Variants in GNAQ observed in about 807,000 individuals in gnomAD.
GNAQ encodes G protein subunit alpha q, also known as guanine nucleotide-binding protein G(q) subunit alpha.
Under a neutral mutation model 43.9 loss-of-function variants are expected in GNAQ, and 8 were observed. That is an observed-to-expected ratio of 0.18 (90% CI 0.11 to 0.33). The LOEUF (loss-of-function observed/expected upper bound fraction) is 0.33, where lower values mean the gene tolerates loss of function less well. Ranked by LOEUF, GNAQ falls within the 10% of genes least tolerant of loss-of-function variation. The probability of loss-of-function intolerance (pLI) is 1.00; values close to 1 mark genes in which losing one functional copy is unlikely to be tolerated. For synonymous variants in GNAQ, 155 were observed against 170.7 expected (o/e 0.91, Z 0.71); for missense variants, 158 against 450.8 (o/e 0.35, Z 5.88).
chr9:77,844,201 C>A (rs1827542528), intron 2 of GNAQ, among the ~76,000 whole-genome samples: 1 of 152,084 alleles, frequency 6.6e-6, no homozygotes, highest in Non-Finnish European at 1.5e-5. Flanking sequence ...TTTAAGCCTT[C>A]ATCTAGCAGA....
chr9:77,773,022 A>G (rs1311568436), intron 5 of GNAQ, among the ~76,000 whole-genome samples: 1 of 152,268 alleles, frequency 6.6e-6, no homozygotes, highest in African/African-American at 2.4e-5. Flanking sequence ...TGAGGCCCAC[A>G]GGCTATGGGT....
chr9:78,002,545 C>T (rs747466398), intron 1 of GNAQ, among the ~76,000 whole-genome samples: 20 of 152,148 alleles, frequency 1.3e-4, no homozygotes, highest in Admixed American at 9.8e-4. Context: ...CCTTGATCTC[C>T]GCGTGGCCTT....
chr9:77,777,561 G>C (rs768763899), intron 5 of GNAQ, among the ~76,000 whole-genome samples: 1 of 151,950 alleles, frequency 6.6e-6, no homozygotes, highest in Non-Finnish European at 1.5e-5. Context: ...AATCCCTACA[G>C]AATATAATGT....
At chr9:77,753,467 T>C (rs1333586574) in intron 5 of GNAQ, among the ~76,000 whole-genome samples, 1 of 152,238 alleles carries the variant, frequency 6.6e-6, no homozygotes, top group Non-Finnish European at 1.5e-5. Flanking sequence ...TCTAGATAAC[T>C]CTATGGATAC....
intron 1 of GNAQ, among the ~76,000 whole-genome samples, chr9:77,970,890 TAAA>T (rs1450930749): frequency 6.6e-6 from 1 of 151,060 alleles, no homozygotes; most frequent in Non-Finnish European, 1.5e-5. Context: ...AGACCCCTAA[TAAA>T]GAAGAAAAGA....
At chr9:77,863,838 C>T (rs1341220604) in intron 2 of GNAQ, among the ~76,000 whole-genome samples, 1 of 152,128 alleles carries the variant, frequency 6.6e-6, no homozygotes, top group African/African-American at 2.4e-5. Context: ...TTAAAATCAT[C>T]AGATCTCATG....
At position 78,031,288 on chromosome 9, in the gene GNAQ, G is replaced by GCA; in HGVS notation, c.-55_-54dup. 3 of 1,367,828 alleles carry GCA rather than the reference G, an allele frequency of 2.2e-6. No individual in the cohort carries two copies. The highest frequency in any genetic ancestry group is 2.9e-6 in the Non-Finnish European group (3 of 1,037,862). 84.7% of individuals were successfully genotyped at this position (1,367,828 alleles called of 1,614,324 possible). On this transcript the variant is annotated 5_prime_UTR_variant, in exon 1 of 7. Transcript: ENST00000286548. ...CGCCGGCACCCCCTGCTCACAGCGC[G>GCA]CACACACACCCTCCCGCCCTCGCTC... is the stretch of plus-strand genomic sequence containing the variant.
At chr9:77,983,066 C>T (rs1482971376) in intron 1 of GNAQ, among the ~76,000 whole-genome samples, 1 of 152,160 alleles carries the variant, frequency 6.6e-6, no homozygotes, top group Non-Finnish European at 1.5e-5. Flanking sequence ...TGTACCAATG[C>T]TTGAATTCAT....
chr9:77,991,865 A>T (rs1404129489), intron 1 of GNAQ, among the ~76,000 whole-genome samples: 1 of 152,208 alleles, frequency 6.6e-6, no homozygotes, highest in Non-Finnish European at 1.5e-5. Context: ...AACAGCCTCC[A>T]GCTCCATCCA....
intron 5 of GNAQ, among the ~76,000 whole-genome samples, chr9:77,771,545 T>C (rs1485796494): frequency 6.6e-6 from 1 of 152,204 alleles, no homozygotes; most frequent in East Asian, 1.9e-4. Flanking sequence ...AAGACAAGGA[T>C]GTCTGCAGCT....
chr9:77,923,149 T>C (rs207470285), intron 1 of GNAQ, among the ~76,000 whole-genome samples: 206 of 152,238 alleles, frequency 1.4e-3, no homozygotes, highest in African/African-American at 4.7e-3. Flanking sequence ...TTTTAAAATG[T>C]GGCATAAGAA....
At chr9:77,883,970 T>C (rs1828260129) in intron 2 of GNAQ, among the ~76,000 whole-genome samples, 1 of 152,206 alleles carries the variant, frequency 6.6e-6, no homozygotes, top group Non-Finnish European at 1.5e-5. Context: ...CAGGTTTAAC[T>C]GAAGACAAGA....
chr9:77,973,634 T>G (rs1823265367), intron 1 of GNAQ, among the ~76,000 whole-genome samples: 1 of 152,130 alleles, frequency 6.6e-6, no homozygotes, highest in Admixed American at 6.5e-5. Flanking sequence ...CTGGCCAACA[T>G]GATGAAACCC....
rs560760349 is a variant in GNAQ, at chr9:77,883,646, C to T, written c.321+38515G>A. ...TAATTTTTCAACCCTTGCCCCCGCC[C>T]CCACTCTCCTCGCTTTTGGCATTCC... On this transcript the variant is annotated intron_variant, in intron 2 of 6. Coordinates refer to ENST00000286548, the MANE Select transcript of GNAQ (RefSeq NM_002072.5). Among the ~76,000 whole-genome samples, 184 of 151,830 alleles carry T rather than the reference C, an allele frequency of 1.2e-3. 2 individuals carry two copies. The highest frequency in any genetic ancestry group is 4.2e-3 in the African/African-American group (174 of 41,374).
intron 2 of GNAQ, among the ~76,000 whole-genome samples, chr9:77,832,959 T>C (rs1827324524): frequency 6.7e-6 from 1 of 148,382 alleles, no homozygotes; most frequent in Non-Finnish European, 1.5e-5. Flanking sequence ...GGCACTTTAT[T>C]TTTTATTTTT....
chr9:77,896,206 C>T lies in GNAQ; in HGVS notation c.321+25955G>A, dbSNP rs530440713. On this transcript the variant is annotated intron_variant, in intron 2 of 6. Coordinates refer to ENST00000286548, the MANE Select transcript of GNAQ (RefSeq NM_002072.5). ...CATTTTTAAAAGTAGAAATTTACAACAAAAGAAGCTAAATTGGAACACTTG... is the reference window on the plus strand; with the variant it reads ...CATTTTTAAAAGTAGAAATTTACAATAAAAGAAGCTAAATTGGAACACTTG... 5.3e-5 allele frequency among the ~76,000 whole-genome samples: 8 copies of T among 152,202 alleles called. 1 individual carries two copies. The South Asian group carries it at 1.7e-3, about 32-fold the overall frequency.
chr9:77,761,466 G>A (rs1374504367), intron 5 of GNAQ, among the ~76,000 whole-genome samples: 5 of 126,414 alleles, frequency 4.0e-5, no homozygotes, highest in Admixed American at 7.9e-5. Flanking sequence ...TCAGCCCCCC[G>A]CCTGGCCAGT....
rs578023070 is a variant in GNAQ at position 77,969,267 on chromosome 9, C to CT, written c.137-46923_137-46922insA. Among the ~76,000 whole-genome samples, 37 of 152,228 alleles carry CT rather than the reference C, an allele frequency of 2.4e-4. 2 individuals are homozygous for CT. In the South Asian group the frequency reaches 2.7e-3, roughly 11 times the overall value. ...GTGGTTTTCTTAATGATTTCACACT[C>CT]CTGTGATTCCCTGTAATTTTCTAAC... is the stretch of plus-strand genomic sequence containing the variant. On this transcript the variant is annotated intron_variant, in intron 1 of 6. Transcript: ENST00000286548.
chr9:77,890,002 G>C (rs1828375680), intron 2 of GNAQ, among the ~76,000 whole-genome samples: 1 of 152,130 alleles, frequency 6.6e-6, no homozygotes, highest in Non-Finnish European at 1.5e-5. Flanking sequence ...CTACAAGTTA[G>C]TTACTCCTTT....
Sources: allele counts gnomAD v4.1 joint callset (sites outside exome capture counted in the v4.1 genomes callset), GRCh38; gene constraint gnomAD v4.1.1; transcripts MANE v1.5; gene names NCBI Gene and HGNC (gene_info 2026-07-23, HGNC 2026-07-21).